The following RGS6 variants were observed in gnomAD, a reference collection of about 807,000 sequenced individuals.
RGS6 encodes the protein regulator of G-protein signaling 6.
In RGS6, 30 loss-of-function variants were observed where a neutral mutation model predicts 78.5. That is an observed-to-expected ratio of 0.38 (90% CI 0.29 to 0.52). The LOEUF is 0.52. RGS6 is among the 20% of genes least tolerant of loss of function. The pLI, the probability that RGS6 is intolerant of heterozygous loss-of-function variation, is 0.85. For missense variants in RGS6, 495 were observed against 609.7 expected (o/e 0.81, Z 1.98); for synonymous variants, 206 against 206.0 (o/e 1.00, Z 0.00).
chr14:72,062,184 G>T (rs536732879), intron 2 of RGS6, among the ~76,000 whole-genome samples: 1 of 152,224 alleles, frequency 6.6e-6, no homozygotes, highest in Non-Finnish European at 1.5e-5. Flanking sequence ...AAAGCCATGT[G>T]ACTGCCCTGA....
At chr14:72,429,889 T>C (rs535271146) in intron 3 of RGS6, among the ~76,000 whole-genome samples, 281 of 152,270 alleles carry the variant, frequency 1.8e-3, no homozygotes, top group African/African-American at 6.5e-3. Context: ...TGAGTTCTCA[T>C]GAGATCTGAT....
intron 2 of RGS6, among the ~76,000 whole-genome samples, chr14:72,059,904 T>G (rs1447906993): frequency 2.6e-5 from 4 of 152,182 alleles, no homozygotes; most frequent in East Asian, 3.8e-4. Context: ...CTGTGTTGTT[T>G]AAGCCCCTCA....
intron 13 of RGS6, among the ~76,000 whole-genome samples, chr14:72,498,999 A>G (rs565425070): frequency 6.6e-6 from 1 of 152,288 alleles, no homozygotes; most frequent in South Asian, 2.1e-4. Flanking sequence ...ACAGGTGGCA[A>G]TGGGAGTCTT....
chr14:72,571,741 A>G, the RGS6 span, among the ~76,000 whole-genome samples: 1 of 152,238 alleles, frequency 6.6e-6, no homozygotes, highest in African/African-American at 2.4e-5. Context: ...AATCTTCACG[A>G]TCTTGGATTG....
chr14:72,253,519 C>T (rs1391945435), intron 2 of RGS6, among the ~76,000 whole-genome samples: 2 of 152,294 alleles, frequency 1.3e-5, no homozygotes, highest in East Asian at 3.9e-4. Context: ...CAGCTATTGA[C>T]AATATATAAA....
intron 2 of RGS6, among the ~76,000 whole-genome samples, chr14:72,254,503 GTTC>G (rs1436975551): frequency 6.6e-6 from 1 of 152,006 alleles, no homozygotes; most frequent in Admixed American, 6.6e-5. Context: ...CACAGTCCCT[GTTC>G]TTCTCCTAGG....
chr14:72,582,528 A>G, the RGS6 span, among the ~76,000 whole-genome samples: 3 of 152,214 alleles, frequency 2.0e-5, no homozygotes, highest in Admixed American at 2.0e-4. Flanking sequence ...TACAAAATAG[A>G]TGGCAAAATC....
At chr14:72,235,087 C>T (rs2050671801) in intron 2 of RGS6, among the ~76,000 whole-genome samples, 1 of 152,110 alleles carries the variant, frequency 6.6e-6, no homozygotes, top group Admixed American at 6.5e-5. Flanking sequence ...TTGTCTATTT[C>T]TCCTGTTAGA....
chr14:72,426,235 A>C (rs897569969), intron 3 of RGS6, among the ~76,000 whole-genome samples: 4 of 152,332 alleles, frequency 2.6e-5, no homozygotes, highest in Admixed American at 2.6e-4. Context: ...TAAGCAGAGC[A>C]GGTGGCGTTA....
intron 3 of RGS6, among the ~76,000 whole-genome samples, chr14:72,448,511 GAAAAA>G (rs144530661): frequency 0.28 from 40,858 of 147,012 alleles, 6,031 homozygotes; most frequent in Middle Eastern, 0.36. Context: ...AGGCATAAAA[GAAAAA>G]AAAAAGACGG....
intron 12 of RGS6, among the ~76,000 whole-genome samples, chr14:72,488,751 G>T (rs1054516956): frequency 6.6e-6 from 1 of 152,096 alleles, no homozygotes; most frequent in South Asian, 2.1e-4. Flanking sequence ...CTTCCCTATT[G>T]TCCCCTCAGC....
At chr14:72,546,430 G>A (rs986520021) in intron 17 of RGS6, among the ~76,000 whole-genome samples, 1 of 152,192 alleles carries the variant, frequency 6.6e-6, no homozygotes, top group African/African-American at 2.4e-5. Flanking sequence ...TATCAAAAAA[G>A]GCCAGAAGTT....
chr14:72,403,436 A>T (rs2092651865), intron 3 of RGS6, among the ~76,000 whole-genome samples: 1 of 152,218 alleles, frequency 6.6e-6, no homozygotes, highest in South Asian at 2.1e-4. Context: ...AATTGTAGTT[A>T]TTAGAAACTG....
chr14:72,458,603 T>C (rs1022391947), intron 5 of RGS6, among the ~76,000 whole-genome samples: 5 of 152,156 alleles, frequency 3.3e-5, no homozygotes, highest in African/African-American at 1.2e-4. Context: ...ACTGCCTTAG[T>C]CCCTTGGGCT....
intron 2 of RGS6, among the ~76,000 whole-genome samples, chr14:72,235,784 C>A (rs1600126029): frequency 6.6e-6 from 1 of 152,138 alleles, no homozygotes; most frequent in South Asian, 2.1e-4. Flanking sequence ...GGTGAATAAC[C>A]CACAGCATTC....
chr14:71,990,582 G>A lies in RGS6; in HGVS notation c.84+25707G>A, dbSNP rs1280737561. The stretch of plus-strand genomic sequence containing the variant: ...GATCATTCCTGGGCACATTTCACAA[G>A]CATTCTGTCTTGGTTTTACCCCAAT... On this transcript the variant is annotated intron_variant, in intron 2 of 17. Transcript: ENST00000553525. 1.3e-5 allele frequency: 6 copies of A among 455,958 alleles called. No individual in the cohort carries two copies. The East Asian group carries it at 4.2e-4, about 32-fold the overall frequency. The allele number at this position is 455,958 out of a possible 1,614,324, so 28.2% of individuals were successfully genotyped here. A position where few individuals can be genotyped will look rare whatever the true frequency, so the allele number is the denominator to read the frequency against.
At chr14:72,210,307 A>T (rs966643918) in intron 2 of RGS6, among the ~76,000 whole-genome samples, 1 of 152,168 alleles carries the variant, frequency 6.6e-6, no homozygotes, top group Non-Finnish European at 1.5e-5. Context: ...GCTGCTAGAG[A>T]GGTGAGCTTC....
intron 1 of RGS6, among the ~76,000 whole-genome samples, chr14:71,944,617 ATAGTT>A (rs1427687210): frequency 6.6e-6 from 1 of 152,248 alleles, no homozygotes; most frequent in African/African-American, 2.4e-5. Flanking sequence ...TAAGCACATT[ATAGTT>A]TAGTTCAGAG....
intron 2 of RGS6, among the ~76,000 whole-genome samples, chr14:72,173,061 G>C (rs886845436): frequency 1.3e-5 from 2 of 152,158 alleles, no homozygotes; most frequent in Non-Finnish European, 2.9e-5. Context: ...CAGTCCACCT[G>C]TAAAGAGGAA....
Sources: gnomAD v4.1 joint callset for allele counts (sites outside exome capture counted in the v4.1 genomes callset) on GRCh38, gnomAD v4.1.1 for gene constraint, MANE v1.5 for transcripts, NCBI Gene and HGNC (gene_info 2026-07-23, HGNC 2026-07-21) for gene names.